VOPP1: variants seen among roughly 807,000 people sequenced by gnomAD.
The protein encoded by VOPP1 is VOPP1 WW domain binding protein.
In VOPP1, 8 loss-of-function variants were observed where a neutral mutation model predicts 23.5. The observed-to-expected ratio is 0.34, with a 90% CI of 0.20 to 0.61. The LOEUF (loss-of-function observed/expected upper bound fraction) is 0.61. Ranked by LOEUF, VOPP1 falls within the 20% of genes least tolerant of loss-of-function variation. The pLI, the probability that VOPP1 is intolerant of heterozygous loss-of-function variation, is 0.78. For missense variants in VOPP1, 174 were observed against 238.1 expected, an observed-to-expected ratio of 0.73 and a Z score of 1.77; for synonymous variants, 83 against 97.3, an observed-to-expected ratio of 0.85 and a Z score of 0.86.
intron 1 of VOPP1, among the ~76,000 whole-genome samples, chr7:55,536,771 C>T (rs913254193): frequency 2.0e-5 from 3 of 152,168 alleles, no homozygotes; most frequent in Non-Finnish European, 2.9e-5. Flanking sequence ...ACCACAGGGG[C>T]GGCGTGCTGA....
chr7:55,561,712 AAAAAG>A (rs1295454790), intron 1 of VOPP1: 30 of 432,322 alleles, frequency 6.9e-5, no homozygotes, highest in African/African-American at 3.3e-4. Context: ...AAAAAAAAAA[AAAAAG>A]AAGAAGAATT....
intron 4 of VOPP1, among the ~76,000 whole-genome samples, chr7:55,464,185 T>C (rs1471356233): frequency 6.6e-6 from 1 of 152,126 alleles, no homozygotes; most frequent in East Asian, 1.9e-4. Context: ...CGATGGTGTG[T>C]GCAGGCACTA....
chr7:55,541,493 A>AC (rs1797131603), intron 1 of VOPP1, among the ~76,000 whole-genome samples: 1 of 152,240 alleles, frequency 6.6e-6, no homozygotes, highest in African/African-American at 2.4e-5. Flanking sequence ...GGAACATTTG[A>AC]CCCCTCATAC....
chr7:55,530,976 G>T (rs531424454), intron 1 of VOPP1: 1 of 152,298 alleles, frequency 6.6e-6, no homozygotes, highest in South Asian at 2.1e-4. Flanking sequence ...GCAAAGTCAA[G>T]GAGCCCAAAG....
At chr7:55,515,109 T>C (rs140554258) in intron 2 of VOPP1, among the ~76,000 whole-genome samples, 20 of 152,304 alleles carry the variant, frequency 1.3e-4, no homozygotes, top group Middle Eastern at 3.4e-3. Context: ...CTCTCTGCTC[T>C]TCCGCACACC....
intron 1 of VOPP1, chr7:55,571,991 T>G: frequency 6.9e-5 from 25 of 360,662 alleles, no homozygotes; most frequent in East Asian, 1.0e-4. Context: ...CACCCCGAGC[T>G]AACGGAGGCG....
At chr7:55,552,575 A>G (rs1797654537) in intron 1 of VOPP1, 11 of 1,534,872 alleles carry the variant, frequency 7.2e-6, no homozygotes, top group Non-Finnish European at 9.6e-6. Context: ...GAAGTCTAGG[A>G]AAACGCTAAG....
At chr7:55,505,072 A>T (rs1351250448) in intron 2 of VOPP1, among the ~76,000 whole-genome samples, 2 of 152,158 alleles carry the variant, frequency 1.3e-5, no homozygotes, top group Non-Finnish European at 2.9e-5. Flanking sequence ...GAGCCTTTGG[A>T]TCCTCATTCT....
At chr7:55,546,206 G>A (rs1156270442) in intron 1 of VOPP1, among the ~76,000 whole-genome samples, 2 of 152,388 alleles carry the variant, frequency 1.3e-5, no homozygotes, top group Admixed American at 1.3e-4. Flanking sequence ...ACTCAGTCAT[G>A]AGGAGGGCAC....
intron 3 of VOPP1, among the ~76,000 whole-genome samples, chr7:55,497,148 G>A (rs1298141871): frequency 2.6e-5 from 4 of 152,176 alleles, no homozygotes; most frequent in African/African-American, 4.8e-5. Context: ...CTCCGTATGC[G>A]CCCCAGAGGA....
At chr7:55,438,358 C>T (rs967785138) in intron 4 of VOPP1, among the ~76,000 whole-genome samples, 2 of 152,118 alleles carry the variant, frequency 1.3e-5, no homozygotes, top group Middle Eastern at 3.2e-3. Context: ...CACCTGAATG[C>T]GTCTGCAGTC....
intron 1 of VOPP1, among the ~76,000 whole-genome samples, chr7:55,536,703 C>A (rs976260533): frequency 6.6e-6 from 1 of 152,118 alleles, no homozygotes; most frequent in African/African-American, 2.4e-5. Flanking sequence ...AACAATGACA[C>A]TGATATAAAA....
intron 1 of VOPP1, among the ~76,000 whole-genome samples, chr7:55,558,823 T>C (rs569966142): frequency 6.6e-6 from 1 of 152,292 alleles, no homozygotes; most frequent in South Asian, 2.1e-4. Context: ...TTATCATTAG[T>C]AAAGCTGACT....
At chr7:55,505,975 TA>T (rs1794696259) in intron 2 of VOPP1, among the ~76,000 whole-genome samples, 1 of 152,186 alleles carries the variant, frequency 6.6e-6, no homozygotes, top group Non-Finnish European at 1.5e-5. Context: ...CACGGTCCCA[TA>T]AAAGACCAAC....
Position 55,506,242 on chromosome 7 carries a change from C to G in VOPP1, c.114-8552G>C, listed in dbSNP as rs1281874907. Among the ~76,000 whole-genome samples, 3 of 152,214 alleles carry G rather than the reference C, an allele frequency of 2.0e-5. No homozygotes were observed. The East Asian group carries it at 5.8e-4, about 29-fold the overall frequency. On this transcript the variant is annotated intron_variant, in intron 2 of 4. Coordinates refer to ENST00000285279, the MANE Select transcript of VOPP1 (RefSeq NM_030796.5). ...CATCTGTGATCATCAGGACATTCTC[C>G]CACTAACTCTTGCAAGCTCACTTCC...
chr7:55,462,290 T>C (rs1240482580), intron 4 of VOPP1, among the ~76,000 whole-genome samples: 2 of 152,288 alleles, frequency 1.3e-5, no homozygotes, highest in East Asian at 3.9e-4. Flanking sequence ...CTTTCAACAG[T>C]TATAAGCTGA....
intron 3 of VOPP1, 53 bp from the exon 4 acceptor site, chr7:55,492,471 C>T: frequency 6.5e-7 from 1 of 1,549,628 alleles, no homozygotes; most frequent in Non-Finnish European, 8.7e-7. Flanking sequence ...GCCCTGAGGG[C>T]TTGGCCCTAC....
chr7:55,544,737 T>G (rs1401952660), intron 1 of VOPP1, among the ~76,000 whole-genome samples: 1 of 152,042 alleles, frequency 6.6e-6, no homozygotes, highest in African/African-American at 2.4e-5. Context: ...GTGGAGACCG[T>G]GGAACTCAAG....
chr7:55,570,349 C>A (rs1798306639), intron 1 of VOPP1, among the ~76,000 whole-genome samples: 1 of 152,200 alleles, frequency 6.6e-6, no homozygotes, highest in Non-Finnish European at 1.5e-5. Context: ...ATCACACTGT[C>A]CCCTCTGAAA....
Sources: gnomAD v4.1 joint callset for allele counts (sites outside exome capture counted in the v4.1 genomes callset) on GRCh38, gnomAD v4.1.1 for gene constraint, MANE v1.5 for transcripts, NCBI Gene and HGNC (gene_info 2026-07-23, HGNC 2026-07-21) for gene names.